The following SDHA variants were observed in gnomAD, a reference collection of about 807,000 sequenced individuals.
The protein encoded by SDHA is succinate dehydrogenase [ubiquinone] flavoprotein subunit, mitochondrial.
In SDHA, 48 loss-of-function variants were observed where a neutral mutation model predicts 78.4. The observed-to-expected ratio is 0.61, with a 90% confidence interval of 0.49 to 0.78. The LOEUF is 0.78. SDHA is among the 30% of genes least tolerant of loss of function. SDHA has a pLI of 0.00. For synonymous variants in SDHA, 326 were observed against 353.9 expected (o/e 0.92, Z 0.88); for missense variants, 680 against 892.7 (o/e 0.76, Z 3.04).
chr5:225,765 A>G, intron 4 of SDHA, 118 bp from the exon 5 acceptor site: 3 of 1,433,820 alleles, frequency 2.1e-6, no homozygotes, highest in South Asian at 1.2e-5. Flanking sequence ...TGACATTTTC[A>G]TAAAATAGGT....
At position 249,089 on chromosome 5, in the gene SDHA, C is replaced by T. The variant is rs1314786211; in HGVS notation, c.1552-1903C>T. On this transcript the variant is annotated intron_variant, in intron 11 of 14. Transcript: ENST00000264932. ...CAGATATTTGAAGCATCCCAGCACA[C>T]CTGACCTTAATGCCAGGAACTGGAG... is the stretch of plus-strand genomic sequence containing the variant. The T allele has an allele frequency of 1.1e-5, 5 of 437,200 alleles. No homozygotes were observed. In the East Asian group the frequency reaches 2.9e-4, roughly 25 times the overall value. 27.1% of individuals were successfully genotyped at this position (437,200 alleles called of 1,614,324 possible).
chr5:240,291 A>G (rs778499335), intron 10 of SDHA, 67 bp from the exon 11 acceptor site: 10 of 982,424 alleles, frequency 1.0e-5, no homozygotes, highest in Middle Eastern at 2.9e-4. Flanking sequence ...TTTGTGTGTC[A>G]TTCTAAATCC....
At chr5:239,336 G>C (rs1382494679) in intron 10 of SDHA, among the ~76,000 whole-genome samples, 1 of 152,184 alleles carries the variant, frequency 6.6e-6, no homozygotes, top group Non-Finnish European at 1.5e-5. Flanking sequence ...GCCAAGGCAG[G>C]TGGCTCACCT....
intron 6 of SDHA, among the ~76,000 whole-genome samples, chr5:230,267 T>A (rs1344253683): frequency 6.6e-6 from 1 of 152,216 alleles, no homozygotes; most frequent in Non-Finnish European, 1.5e-5. Context: ...ATAAAAATTT[T>A]AAAATTTTCA....
intron 11 of SDHA, among the ~76,000 whole-genome samples, chr5:244,831 T>C (rs56657157): frequency 0.033 from 4,974 of 152,246 alleles, 249 homozygotes; most frequent in African/African-American, 0.11. Context: ...ATTACAACGA[T>C]GGGGAGCACA....
At chr5:225,583 G>A (rs763490338) in intron 4 of SDHA, 21 bp downstream of exon 4, 1 of 1,613,910 alleles carries the variant, frequency 6.2e-7, no homozygotes, top group South Asian at 1.1e-5. Flanking sequence ...GGAGGCTCTG[G>A]GTGTTCTCGT....
intron 7 of SDHA, among the ~76,000 whole-genome samples, chr5:231,722 G>GGGTTTTTGAT (rs1441878800): frequency 6.6e-6 from 1 of 151,566 alleles, no homozygotes; most frequent in Non-Finnish European, 1.5e-5. Context: ...CATTCTGAGA[G>GGGTTTTTGAT]CTGGGAGAAT....
chr5:245,193 G>GA (rs1736370250), intron 11 of SDHA, among the ~76,000 whole-genome samples: 1 of 152,036 alleles, frequency 6.6e-6, no homozygotes, highest in African/African-American at 2.4e-5. Context: ...TCTTAATTAA[G>GA]AAAAAATCAG....
intron 11 of SDHA, 33 bp downstream of exon 11, chr5:240,509 G>A (rs1579418026): frequency 7.2e-7 from 1 of 1,388,716 alleles, no homozygotes; most frequent in Non-Finnish European, 1.0e-6. Context: ...GAGTGAGCAG[G>A]AGGGCTGCAT....
chr5:252,018 C>T lies in SDHA; in HGVS notation c.1794+550C>T, dbSNP rs866141228. On this transcript the variant is annotated intron_variant, in intron 13 of 14. Coordinates refer to ENST00000264932, the MANE Select transcript of SDHA (RefSeq NM_004168.4). The stretch of plus-strand genomic sequence containing the variant: ...GAGGAAATGCCAGTTTATTAAATAA[C>T]GAGTAAGCCACCGTTTCAGACCTGC... 7.1e-3 allele frequency among the ~76,000 whole-genome samples: 892 copies of T among 125,272 alleles called. 20 individuals carry two copies. The highest frequency in any genetic ancestry group is 0.026 in the African/African-American group (706 of 27,352). 82.2% of individuals were successfully genotyped at this position (125,272 alleles called of 152,430 possible).
At chr5:230,201 T>G (rs893575177) in intron 6 of SDHA, among the ~76,000 whole-genome samples, 1 of 147,072 alleles carries the variant, frequency 6.8e-6, no homozygotes, top group African/African-American at 2.6e-5. Flanking sequence ...AAATATATAG[T>G]TTTTTTTTTA....
chr5:256,544 G>C lies in SDHA; in HGVS notation c.*124G>C. On this transcript the variant is annotated 3_prime_UTR_variant, in exon 15 of 15. Coordinates refer to ENST00000264932, the MANE Select transcript of SDHA (RefSeq NM_004168.4). ...TCTGGGGAAGAAGGAGTACATTGAA[G>C]GGAGATTGGCACCTAGTGGCTGGGA... 1 of 889,502 alleles carries C rather than the reference G, an allele frequency of 1.1e-6. No homozygotes were observed. The highest frequency in any genetic ancestry group is 1.8e-6 in the Non-Finnish European group (1 of 541,318). The allele number at this position is 889,502 out of a possible 1,614,324, so 55.1% of individuals were successfully genotyped here.
At chr5:225,758 C>T (rs185113945) in intron 4 of SDHA, 125 bp from the exon 5 acceptor site, 3 of 1,401,924 alleles carry the variant, frequency 2.1e-6, no homozygotes, top group African/African-American at 1.4e-5. Flanking sequence ...GAAGTGTTGA[C>T]ATTTTCATAA....
At chr5:251,496 A>G in intron 13 of SDHA, 28 bp downstream of exon 13, 1 of 1,613,578 alleles carries the variant, frequency 6.2e-7, no homozygotes, top group Non-Finnish European at 8.5e-7. Flanking sequence ...GCCCACCTGC[A>G]CCTGCCTTTT....
At chr5:254,997 C>G (rs774809895) in intron 14 of SDHA, among the ~76,000 whole-genome samples, 20 of 151,736 alleles carry the variant, frequency 1.3e-4, no homozygotes, top group Non-Finnish European at 2.4e-4. Context: ...GGGCACTGAG[C>G]AAGCAGAGAA....
intron 10 of SDHA, among the ~76,000 whole-genome samples, chr5:239,340 C>T (rs187688565): frequency 2.8e-4 from 43 of 152,054 alleles, no homozygotes; most frequent in East Asian, 1.2e-3. Context: ...AGGCAGGTGG[C>T]TCACCTGAGG....
At chr5:247,675 C>T (rs141609566) in intron 11 of SDHA, among the ~76,000 whole-genome samples, 1 of 152,202 alleles carries the variant, frequency 6.6e-6, no homozygotes, top group East Asian at 1.9e-4. Context: ...TATGTACATG[C>T]ATGTGTGGAC....
Position 256,825 on chromosome 5 carries a change from TTTC to T in SDHA, c.*408_*410del, listed in dbSNP as rs1283562434. The T allele has an allele frequency of 3.3e-3, 806 of 244,492 alleles. No individual in the cohort carries two copies. The highest frequency in any genetic ancestry group is 7.4e-3 in the Middle Eastern group (6 of 814). The allele number at this position is 244,492 out of a possible 1,614,324, so 15.1% of individuals were successfully genotyped here. ...TGTATAGTTTCTTTTTTCTTTTTCT[TTTC>T]TTTTTTTTTTTTGAGACAGGATCGG... is the stretch of plus-strand genomic sequence containing the variant. On this transcript the variant is annotated 3_prime_UTR_variant, in exon 15 of 15. Transcript: ENST00000264932.
At chr5:233,364 G>T in intron 7 of SDHA, 113 bp from the exon 8 acceptor site, 1 of 1,116,088 alleles carries the variant, frequency 9.0e-7, no homozygotes. Flanking sequence ...TGCACATAAT[G>T]CCTTCTGCTT....
Sources: allele counts gnomAD v4.1 joint callset (sites outside exome capture counted in the v4.1 genomes callset), GRCh38; gene constraint gnomAD v4.1.1; transcripts MANE v1.5; gene names NCBI Gene and HGNC (gene_info 2026-07-23, HGNC 2026-07-21).